ADGB: variants seen among roughly 807,000 people sequenced by gnomAD.
ADGB encodes the protein androglobin, also known as calpain-7-like protein.
A neutral mutation model predicts 210.5 loss-of-function variants in ADGB; 172 were observed. The ratio of observed to expected loss-of-function variants is 0.82; its 90% CI spans 0.72 to 0.93. ADGB has a LOEUF of 0.93. Ranked by LOEUF, ADGB falls within the 40% of genes least tolerant of loss-of-function variation. ADGB has a pLI of 0.00. For missense variants in ADGB, 2,025 were observed against 1,964.8 expected (o/e 1.03, Z -0.58); for synonymous variants, 658 against 662.7 (o/e 0.99, Z 0.11).
intron 35 of ADGB, chr6:146,802,604 G>A (rs892325757): frequency 3.7e-5 from 21 of 560,206 alleles, no homozygotes; most frequent in South Asian, 4.6e-5. Context: ...TGCTCCTTTC[G>A]GATATTTTTC....
intron 1 of ADGB, among the ~76,000 whole-genome samples, chr6:146,634,675 C>T (rs879648160): frequency 1.3e-5 from 2 of 151,980 alleles, no homozygotes; most frequent in Non-Finnish European, 2.9e-5. Context: ...CTTAAATATG[C>T]ATACACTTTG....
chr6:146,698,652 A>G (rs928298594), intron 12 of ADGB, among the ~76,000 whole-genome samples: 2 of 152,178 alleles, frequency 1.3e-5, no homozygotes, highest in African/African-American at 4.8e-5. Context: ...GGACAGCTTT[A>G]TAACCAGAAA....
At chr6:146,763,284 C>A (rs556264024) in intron 27 of ADGB, among the ~76,000 whole-genome samples, 1 of 152,010 alleles carries the variant, frequency 6.6e-6, no homozygotes, top group Admixed American at 6.6e-5. Flanking sequence ...TTTTGTGGTA[C>A]GAGAATAAGC....
intron 35 of ADGB, chr6:146,803,039 T>C: frequency 1.3e-6 from 2 of 1,582,506 alleles, no homozygotes; most frequent in Non-Finnish European, 1.7e-6. Flanking sequence ...GTAGTGACTT[T>C]ACTAGAAGCA....
At chr6:146,623,412 A>G (rs1244318135) in intron 1 of ADGB, among the ~76,000 whole-genome samples, 1 of 151,894 alleles carries the variant, frequency 6.6e-6, no homozygotes, top group Non-Finnish European at 1.5e-5. Flanking sequence ...ACTGGTCTTG[A>G]GCAACAAATA....
At chr6:146,800,138 C>CT (rs5880687) in intron 33 of ADGB, among the ~76,000 whole-genome samples, 97,800 of 150,834 alleles carry the variant, frequency 0.65, 31,777 homozygotes, top group East Asian at 0.74. Flanking sequence ...AAACTTTTTT[C>CT]TTTTTTTTTA....
At chr6:146,783,259 G>T (rs1462574545) in intron 30 of ADGB, among the ~76,000 whole-genome samples, 1 of 152,132 alleles carries the variant, frequency 6.6e-6, no homozygotes, top group Non-Finnish European at 1.5e-5. Flanking sequence ...TGAGTAGGAT[G>T]TCAGTACCAT....
intron 5 of ADGB, among the ~76,000 whole-genome samples, chr6:146,661,472 C>A (rs1201646031): frequency 1.3e-5 from 2 of 152,100 alleles, no homozygotes; most frequent in South Asian, 2.1e-4. Context: ...CCTGTCTCGG[C>A]CTCCCAAAGT....
chr6:146,637,742 T>C (rs952058568), intron 2 of ADGB, among the ~76,000 whole-genome samples: 8 of 152,014 alleles, frequency 5.3e-5, no homozygotes, highest in African/African-American at 1.9e-4. Flanking sequence ...CTAGAGCCCA[T>C]ATAATTTTTA....
In ADGB at chr6:146,685,060, T is replaced by A. The variant is rs190495802; in HGVS notation, c.1217-674T>A. ...GTCAGTATGTACGTTTGTAAAAAAA[T>A]TTAATTAAATATAAAAAGAGGCTAA... is the stretch of plus-strand genomic sequence containing the variant. On this transcript the variant is annotated intron_variant, in intron 9 of 35. Transcript: ENST00000397944. Among the ~76,000 whole-genome samples the A allele has an allele frequency of 1.8e-3, 269 of 152,124 alleles. 4 individuals are homozygous for A. In the East Asian group the frequency reaches 0.027, roughly 15 times the overall value.
chr6:146,745,851 T>G (rs1777224667), intron 25 of ADGB, 71 bp from the exon 26 acceptor site: 1 of 1,197,528 alleles, frequency 8.4e-7, no homozygotes, highest in African/African-American at 1.5e-5. Flanking sequence ...CATTTAGCAC[T>G]ATTAGATATT....
At chr6:146,705,024 G>T (rs894056731) in intron 13 of ADGB, among the ~76,000 whole-genome samples, 4 of 152,006 alleles carry the variant, frequency 2.6e-5, no homozygotes, top group South Asian at 2.1e-4. Flanking sequence ...TTATTTTATA[G>T]TATTCAGAAT....
At chr6:146,778,116 G>T (rs973870761) in intron 29 of ADGB, among the ~76,000 whole-genome samples, 2 of 152,134 alleles carry the variant, frequency 1.3e-5, no homozygotes, top group African/African-American at 4.8e-5. Flanking sequence ...TCTAAAGTGG[G>T]CCACAAAGGG....
chr6:146,653,093 C>G (rs1775727306), intron 3 of ADGB, among the ~76,000 whole-genome samples: 1 of 152,080 alleles, frequency 6.6e-6, no homozygotes, highest in African/African-American at 2.4e-5. Context: ...CAGTGTGAAA[C>G]TTACTGTGAA....
At chr6:146,760,283 A>T (rs540269718) in intron 27 of ADGB, among the ~76,000 whole-genome samples, 1 of 151,818 alleles carries the variant, frequency 6.6e-6, no homozygotes, top group African/African-American at 2.4e-5. Flanking sequence ...CAAAGAGGCA[A>T]TCACTGTTCA....
intron 3 of ADGB, among the ~76,000 whole-genome samples, chr6:146,652,282 T>C (rs1196422850): frequency 6.6e-6 from 1 of 152,194 alleles, no homozygotes; most frequent in African/African-American, 2.4e-5. Flanking sequence ...TTATCAACTT[T>C]GGTAATCACT....
chr6:146,755,907 T>C (rs918362187), intron 27 of ADGB, among the ~76,000 whole-genome samples: 1 of 152,154 alleles, frequency 6.6e-6, no homozygotes, highest in Non-Finnish European at 1.5e-5. Context: ...TTTTTCTATA[T>C]GTAAAAATCT....
chr6:146,659,359 T>G (rs964628184), intron 5 of ADGB, among the ~76,000 whole-genome samples: 1 of 152,208 alleles, frequency 6.6e-6, no homozygotes, highest in Non-Finnish European at 1.5e-5. Context: ...CCGTTTCCCA[T>G]CTTATGAGAC....
chr6:146,678,375 T>C (rs1776111596), intron 9 of ADGB, among the ~76,000 whole-genome samples: 1 of 152,124 alleles, frequency 6.6e-6, no homozygotes, highest in Non-Finnish European at 1.5e-5. Context: ...TGCAGGCGCA[T>C]GCCATTACAC....
Sources: gnomAD v4.1 joint callset for allele counts (sites outside exome capture counted in the v4.1 genomes callset) on GRCh38, gnomAD v4.1.1 for gene constraint, MANE v1.5 for transcripts, NCBI Gene and HGNC (gene_info 2026-07-23, HGNC 2026-07-21) for gene names.